PCSK5: variants seen among roughly 807,000 people sequenced by gnomAD.
PCSK5 encodes proprotein convertase subtilisin/kexin type 5.
A neutral mutation model predicts 233.2 loss-of-function variants in PCSK5; 129 were observed. The ratio of observed to expected loss-of-function variants is 0.55; its 90% CI spans 0.48 to 0.64. PCSK5 has a LOEUF of 0.64. Ranked by LOEUF, PCSK5 falls within the 30% of genes least tolerant of loss-of-function variation. The pLI, the probability that PCSK5 is intolerant of heterozygous loss-of-function variation, is 0.00. For missense variants in PCSK5, 2,076 were observed against 2,430.1 expected (o/e 0.85, Z 3.06); for synonymous variants, 825 against 879.2 (o/e 0.94, Z 1.09).
At chr9:76,168,323 A>G (rs1264618782) in intron 12 of PCSK5, among the ~76,000 whole-genome samples, 1 of 152,064 alleles carries the variant, frequency 6.6e-6, no homozygotes, top group Admixed American at 6.6e-5. Context: ...TAATTTTTGT[A>G]TTTTTAGTAG....
intron 3 of PCSK5, among the ~76,000 whole-genome samples, chr9:75,992,826 C>T (rs551718410): frequency 6.6e-6 from 1 of 152,060 alleles, no homozygotes; most frequent in Admixed American, 6.6e-5. Context: ...ATTTCATGAA[C>T]GCTCTCTGGG....
rs564481125 is a variant in PCSK5 at position 76,220,664 on chromosome 9, A to C, written c.2627-6839A>C. Among the ~76,000 whole-genome samples the C allele has an allele frequency of 1.6e-4, 24 of 152,026 alleles. 1 individual carries two copies. In the South Asian group the frequency reaches 4.8e-3, roughly 30 times the overall value. On this transcript the variant is annotated intron_variant, in intron 20 of 37. Transcript: ENST00000674117. The stretch of plus-strand genomic sequence containing the variant: ...AAATTGACACATAAAAATTGTGTGC[A>C]TTTATGGTGTACAGCAAAATGTTTT...
At chr9:76,023,953 AG>A in intron 4 of PCSK5, 72 bp downstream of exon 4, 1 of 1,380,064 alleles carries the variant, frequency 7.2e-7, no homozygotes, top group Non-Finnish European at 9.9e-7. Context: ...ATTATCAAAA[AG>A]GTGGATAGCT....
At chr9:76,167,600 G>T (rs750087762) in intron 12 of PCSK5, among the ~76,000 whole-genome samples, 1 of 152,104 alleles carries the variant, frequency 6.6e-6, no homozygotes, top group African/African-American at 2.4e-5. Context: ...TTAGAATCCT[G>T]CTGGCATTTT....
intron 2 of PCSK5, among the ~76,000 whole-genome samples, chr9:75,962,789 G>A (rs868968): frequency 0.025 from 3,758 of 152,296 alleles, 65 homozygotes; most frequent in Non-Finnish European, 0.035. Context: ...AGTGGCTGGC[G>A]GAAATTGAAA....
At chr9:76,351,612 A>G (rs1040048323) in intron 36 of PCSK5, among the ~76,000 whole-genome samples, 5 of 114,862 alleles carry the variant, frequency 4.4e-5, no homozygotes, top group Admixed American at 1.8e-4. Context: ...AGAAGAAAGA[A>G]AAAGAAAGAG....
At chr9:76,274,674 A>C (rs753572659) in intron 24 of PCSK5, among the ~76,000 whole-genome samples, 2 of 152,176 alleles carry the variant, frequency 1.3e-5, no homozygotes, top group Non-Finnish European at 2.9e-5. Flanking sequence ...ATGACTATAA[A>C]CCTATGTGAT....
chr9:76,031,065 T>G (rs1828635256), intron 5 of PCSK5, among the ~76,000 whole-genome samples: 1 of 152,182 alleles, frequency 6.6e-6, no homozygotes, highest in Admixed American at 6.5e-5. Context: ...GCCGAGGGTA[T>G]AGATTTACCT....
chr9:75,943,074 G>A (rs1437216221), intron 2 of PCSK5, among the ~76,000 whole-genome samples: 3 of 151,624 alleles, frequency 2.0e-5, no homozygotes, highest in Admixed American at 6.6e-5. Context: ...TAGTAGAGAC[G>A]GGGTTTCGCC....
At chr9:76,083,891 T>A (rs1407225247) in intron 7 of PCSK5, among the ~76,000 whole-genome samples, 1 of 152,258 alleles carries the variant, frequency 6.6e-6, no homozygotes, top group Non-Finnish European at 1.5e-5. Context: ...GGATATGTTT[T>A]TATCTGATAT....
At chr9:76,040,308 C>G (rs930276149) in intron 5 of PCSK5, among the ~76,000 whole-genome samples, 1 of 127,170 alleles carries the variant, frequency 7.9e-6, no homozygotes, top group African/African-American at 2.9e-5. Flanking sequence ...GGTCTCACTC[C>G]CTTAGATGTG....
chr9:76,226,338 G>C (rs1825890857), intron 20 of PCSK5, among the ~76,000 whole-genome samples: 1 of 152,152 alleles, frequency 6.6e-6, no homozygotes, highest in South Asian at 2.1e-4. Flanking sequence ...TTACTTACAT[G>C]CTAGCTGTAC....
intron 20 of PCSK5, among the ~76,000 whole-genome samples, chr9:76,220,618 G>A (rs1453685034): frequency 6.8e-6 from 1 of 147,746 alleles, no homozygotes; most frequent in Non-Finnish European, 1.5e-5. Context: ...ACAACCAGCT[G>A]TTTAGAAACT....
intron 5 of PCSK5, among the ~76,000 whole-genome samples, chr9:76,040,137 A>G (rs1021842776): frequency 2.0e-5 from 3 of 152,130 alleles, no homozygotes; most frequent in African/African-American, 7.2e-5. Flanking sequence ...CGTATAAGGA[A>G]TCTTCTGTCT....
chr9:76,209,049 T>C (rs1825225451), intron 20 of PCSK5, among the ~76,000 whole-genome samples: 1 of 152,206 alleles, frequency 6.6e-6, no homozygotes, highest in Non-Finnish European at 1.5e-5. Flanking sequence ...GCAATCTGCC[T>C]GGGGACCACA....
chr9:76,024,970 G>A (rs932946845), intron 4 of PCSK5, among the ~76,000 whole-genome samples: 3 of 152,004 alleles, frequency 2.0e-5, no homozygotes, highest in Admixed American at 6.6e-5. Flanking sequence ...CCTCTGTTTC[G>A]GGCCTCTTTT....
chr9:76,048,227 G>A lies in PCSK5; in HGVS notation c.633-19728G>A, dbSNP rs546069254. Among the ~76,000 whole-genome samples, 25 of 152,258 alleles carry A rather than the reference G, an allele frequency of 1.6e-4. 1 individual carries two copies. The South Asian group carries it at 4.8e-3, about 29-fold the overall frequency. ...TTGATTTGACTTTTATTGTTTGTTT[G>A]CATTTTATGTCCACACAGATATAAA... On this transcript the variant is annotated intron_variant, in intron 5 of 37. Coordinates refer to ENST00000674117, the MANE Select transcript of PCSK5 (RefSeq NM_001372043.1).
intron 1 of PCSK5, among the ~76,000 whole-genome samples, chr9:75,919,125 CCTCACCT>C (rs1330862020): frequency 6.6e-6 from 1 of 152,166 alleles, no homozygotes; most frequent in African/African-American, 2.4e-5. Context: ...CAGCCTTTTG[CCTCACCT>C]CTCACCTCTC....
At chr9:76,296,404 G>A (rs751433289) in intron 26 of PCSK5, among the ~76,000 whole-genome samples, 13 of 152,132 alleles carry the variant, frequency 8.5e-5, no homozygotes, top group African/African-American at 1.2e-4. Flanking sequence ...TAAGCCGTGC[G>A]TGGTGACACA....
Sources: gnomAD v4.1 joint callset for allele counts (sites outside exome capture counted in the v4.1 genomes callset) on GRCh38, gnomAD v4.1.1 for gene constraint, MANE v1.5 for transcripts, NCBI Gene and HGNC (gene_info 2026-07-23, HGNC 2026-07-21) for gene names.